Variants in FAM135B observed in about 807,000 individuals in gnomAD.
The protein encoded by FAM135B is protein FAM135B.
Under a neutral mutation model 127.7 loss-of-function variants are expected in FAM135B, and 43 were observed. That is an observed-to-expected ratio of 0.34 (90% CI 0.26 to 0.43). The LOEUF is 0.43. Ranked by LOEUF, FAM135B falls within the 20% of genes least tolerant of loss-of-function variation. FAM135B has a pLI of 1.00. For synonymous variants in FAM135B, 670 were observed against 665.1 expected, an observed-to-expected ratio of 1.01 and a Z score of -0.11; for missense variants, 1,558 against 1,725.6, an observed-to-expected ratio of 0.90 and a Z score of 1.72.
chr8:138,271,371 C>T (rs1028832525), intron 3 of FAM135B, among the ~76,000 whole-genome samples: 1 of 152,160 alleles, frequency 6.6e-6, no homozygotes, highest in African/African-American at 2.4e-5. Context: ...TGCACATGGA[C>T]ATAAGTTTAT....
chr8:138,286,839 C>T (rs1317902614), intron 3 of FAM135B, among the ~76,000 whole-genome samples: 1 of 152,232 alleles, frequency 6.6e-6, no homozygotes, highest in Non-Finnish European at 1.5e-5. Context: ...TCCATGCTGA[C>T]AGTAGCCTGG....
Position 138,243,109 on chromosome 8 carries a change from G to T in FAM135B, c.543-41C>A. The stretch of plus-strand genomic sequence containing the variant: ...TTGAAAGGGTGAAAAAGGAGGTAAA[G>T]AAAGTGATGGTGCCATTAACTCAGC... On this transcript the variant is annotated intron_variant, in intron 6 of 19. Coordinates refer to ENST00000395297, the MANE Select transcript of FAM135B (RefSeq NM_015912.4). The surrounding 1 kb of genome is among the most constrained non-coding windows in gnomAD (Gnocchi z 7.5). 6.3e-7 allele frequency: 1 copy of T among 1,581,628 alleles called. No homozygotes were observed. Among genetic ancestry groups the T allele is most frequent in the African/African-American group, 1.4e-5 (1 of 73,956 alleles).
intron 9 of FAM135B, among the ~76,000 whole-genome samples, chr8:138,191,162 C>T (rs191225305): frequency 2.2e-3 from 335 of 152,338 alleles, no homozygotes; most frequent in African/African-American, 7.3e-3. Context: ...ACACTGGTGG[C>T]GGCATTTTGC....
intron 1 of FAM135B, among the ~76,000 whole-genome samples, chr8:138,488,254 T>C (rs1815061951): frequency 6.6e-6 from 1 of 152,160 alleles, no homozygotes; most frequent in African/African-American, 2.4e-5. Context: ...TTGACAAACA[T>C]TTATTGCACG....
chr8:138,402,628 AAT>A (rs1271622454), intron 1 of FAM135B, among the ~76,000 whole-genome samples: 1 of 152,194 alleles, frequency 6.6e-6, no homozygotes, highest in Non-Finnish European at 1.5e-5. Context: ...AAAGAGAGTA[AAT>A]AACTTGGCCA....
chr8:138,491,604 C>CTCATTCAT (rs145147091), intron 1 of FAM135B, among the ~76,000 whole-genome samples: 4 of 152,118 alleles, frequency 2.6e-5, no homozygotes, highest in Non-Finnish European at 4.4e-5. Context: ...CCTACGTTCA[C>CTCATTCAT]TCATTCATTC....
intron 2 of FAM135B, among the ~76,000 whole-genome samples, chr8:138,354,302 T>C (rs542755830): frequency 6.6e-6 from 1 of 152,198 alleles, no homozygotes; most frequent in South Asian, 2.1e-4. Context: ...CCATCCCTCC[T>C]ACTCTATCAA....
intron 1 of FAM135B, among the ~76,000 whole-genome samples, chr8:138,401,679 G>A (rs750330345): frequency 2.0e-5 from 3 of 152,218 alleles, no homozygotes; most frequent in Non-Finnish European, 4.4e-5. Flanking sequence ...CAATGGATGA[G>A]AATCTGTCTG....
At chr8:138,350,273 T>G (rs1829687156) in intron 2 of FAM135B, among the ~76,000 whole-genome samples, 1 of 152,168 alleles carries the variant, frequency 6.6e-6, no homozygotes, top group African/African-American at 2.4e-5. Context: ...ACTATCCCGT[T>G]CTTTCACCTA....
chr8:138,444,448 T>A (rs1835988255), intron 1 of FAM135B, among the ~76,000 whole-genome samples: 1 of 152,002 alleles, frequency 6.6e-6, no homozygotes, highest in African/African-American at 2.4e-5. Context: ...TATCACAAAC[T>A]CTCTCTCAGA....
chr8:138,328,795 T>C (rs1827978698), intron 2 of FAM135B, among the ~76,000 whole-genome samples: 1 of 152,122 alleles, frequency 6.6e-6, no homozygotes, highest in Non-Finnish European at 1.5e-5. Context: ...CTCTGTAACA[T>C]GCAGATGATC....
chr8:138,239,969 A>G (rs1249291847), intron 7 of FAM135B, among the ~76,000 whole-genome samples: 2 of 138,978 alleles, frequency 1.4e-5, no homozygotes, highest in Admixed American at 1.4e-4. Flanking sequence ...TGGACACAGG[A>G]AGGGGAACAT....
chr8:138,359,479 G>A (rs1830281812), intron 2 of FAM135B, among the ~76,000 whole-genome samples: 1 of 152,140 alleles, frequency 6.6e-6, no homozygotes, highest in African/African-American at 2.4e-5. Flanking sequence ...TGTCAAAGCT[G>A]TCGTAATGTT....
intron 3 of FAM135B, among the ~76,000 whole-genome samples, chr8:138,278,415 T>C (rs112365408): frequency 6.6e-4 from 100 of 151,790 alleles, no homozygotes; most frequent in African/African-American, 2.3e-3. Flanking sequence ...TATGCCTACA[T>C]CCTCAAAAGC....
rs149583165 is a variant in FAM135B at position 138,360,721 on chromosome 8, T to C, written c.77+7186A>G. 9.2e-5 allele frequency among the ~76,000 whole-genome samples: 14 copies of C among 152,304 alleles called. 1 individual carries two copies. In the East Asian group the frequency reaches 2.7e-3, roughly 29 times the overall value. ...GTCCCACTGTGAAGATTTTTTTTAC[T>C]TAGTTGGTCTGGAGGATGAAAATTT... is the stretch of plus-strand genomic sequence containing the variant. On this transcript the variant is annotated intron_variant, in intron 2 of 19. Transcript: ENST00000395297.
chr8:138,164,729 G>T (rs1266360164), intron 12 of FAM135B, among the ~76,000 whole-genome samples: 2 of 152,140 alleles, frequency 1.3e-5, no homozygotes, highest in Non-Finnish European at 2.9e-5. Context: ...TATCTTGATT[G>T]ATGTCTCATG....
chr8:138,219,700 C>CA (rs1818872899), intron 7 of FAM135B, among the ~76,000 whole-genome samples: 1 of 152,154 alleles, frequency 6.6e-6, no homozygotes, highest in Non-Finnish European at 1.5e-5. Flanking sequence ...TTAAATGACT[C>CA]ACTTTACCTC....
intron 2 of FAM135B, among the ~76,000 whole-genome samples, chr8:138,359,303 T>G (rs1265009526): frequency 3.9e-5 from 6 of 152,178 alleles, no homozygotes; most frequent in Admixed American, 3.9e-4. Context: ...ATCAATATCC[T>G]ACATCAAACT....
chr8:138,298,378 T>A (rs1165177087), intron 3 of FAM135B, among the ~76,000 whole-genome samples: 1 of 152,146 alleles, frequency 6.6e-6, no homozygotes, highest in Non-Finnish European at 1.5e-5. Flanking sequence ...TGAGCAAGAA[T>A]TCCTCTCTCA....
Sources: allele counts gnomAD v4.1 joint callset (sites outside exome capture counted in the v4.1 genomes callset), GRCh38; gene constraint gnomAD v4.1.1; non-coding constraint Gnocchi (gnomAD v3.1); transcripts MANE v1.5; gene names NCBI Gene and HGNC (gene_info 2026-07-23, HGNC 2026-07-21).